SHLD2: variants seen among roughly 807,000 people sequenced by gnomAD.
The protein encoded by SHLD2 is RINN1-REV7-interacting novel NHEJ regulator 2.
A neutral mutation model predicts 73.2 loss-of-function variants in SHLD2; 30 were observed. The observed-to-expected ratio is 0.41, with a 90% CI of 0.31 to 0.56. The LOEUF is 0.56. Ranked by LOEUF, SHLD2 falls within the 20% of genes least tolerant of loss-of-function variation. The pLI, the probability that SHLD2 is intolerant of heterozygous loss-of-function variation, is 0.28. For synonymous variants in SHLD2, 285 were observed against 370.1 expected, an observed-to-expected ratio of 0.77 and a Z score of 2.64; for missense variants, 745 against 1,055.9, an observed-to-expected ratio of 0.71 and a Z score of 4.08.
chr10:87,184,996 T>C (rs533651163), intron 8 of SHLD2, among the ~76,000 whole-genome samples: 12 of 152,338 alleles, frequency 7.9e-5, no homozygotes, highest in African/African-American at 2.6e-4. Flanking sequence ...CCCAGGGCTG[T>C]GTAGCTATCA....
At chr10:87,094,503 C>T, upstream of SHLD2, 2 of 1,613,478 alleles carry the variant, frequency 1.2e-6, no homozygotes, top group Non-Finnish European at 1.7e-6. This position sits in a 1 kb window ranked among gnomAD's most constrained non-coding sequence, Gnocchi z 6.6. Context: ...CCCGGGTCCT[C>T]AGGTCCTCCA....
chr10:87,149,970 G>A (rs557840455), intron 2 of SHLD2, among the ~76,000 whole-genome samples: 2 of 151,748 alleles, frequency 1.3e-5, no homozygotes, highest in East Asian at 1.9e-4. Flanking sequence ...AGCTGGCCTC[G>A]AACTCCTGGT....
intron 2 of SHLD2, among the ~76,000 whole-genome samples, chr10:87,139,994 A>G (rs1295011444): frequency 6.6e-6 from 1 of 152,214 alleles, no homozygotes; most frequent in Non-Finnish European, 1.5e-5. Flanking sequence ...TTGAAGCACA[A>G]AGAGAAAAAA....
rs1351138048 is a variant in SHLD2 at position 87,176,887 on chromosome 10, A to G, written c.2170+792A>G. ...CTTATTCCTAGTTCTACACTGAAACATTTACTAATACCAGCAGATAGTTTA... is the reference window on the plus strand; with the variant it reads ...CTTATTCCTAGTTCTACACTGAAACGTTTACTAATACCAGCAGATAGTTTA... On this transcript the variant is annotated intron_variant, in intron 7 of 9. Coordinates refer to ENST00000298786, the MANE Select transcript of SHLD2 (RefSeq NM_001330112.2). Among the ~76,000 whole-genome samples the G allele has an allele frequency of 2.6e-5, 4 of 152,234 alleles. No homozygotes were observed. The South Asian group carries it at 6.2e-4, about 24-fold the overall frequency.
chr10:87,148,971 G>A (rs1461699175), intron 2 of SHLD2, among the ~76,000 whole-genome samples: 1 of 148,616 alleles, frequency 6.7e-6, no homozygotes, highest in Non-Finnish European at 1.5e-5. Context: ...TTGGCTCACT[G>A]CAACCTCCCG....
chr10:87,126,601 T>C (rs1205086597), intron 2 of SHLD2, among the ~76,000 whole-genome samples: 1 of 152,204 alleles, frequency 6.6e-6, no homozygotes, highest in Non-Finnish European at 1.5e-5. Context: ...GTCAGGGACA[T>C]TATGGAGGTC....
At chr10:87,148,991 G>A (rs1845829589) in intron 2 of SHLD2, among the ~76,000 whole-genome samples, 1 of 150,934 alleles carries the variant, frequency 6.6e-6, no homozygotes, top group Non-Finnish European at 1.5e-5. Flanking sequence ...GGGTTCAAGC[G>A]ATTCTCCTGC....
intron 2 of SHLD2, among the ~76,000 whole-genome samples, chr10:87,113,461 C>T (rs957467214): frequency 9.2e-5 from 14 of 152,118 alleles, no homozygotes; most frequent in African/African-American, 2.9e-4. Flanking sequence ...AAAGAAGCCA[C>T]GAAAGATCAC....
chr10:87,144,355 G>T (rs1349244751), intron 2 of SHLD2, among the ~76,000 whole-genome samples: 1 of 152,200 alleles, frequency 6.6e-6, no homozygotes, highest in Non-Finnish European at 1.5e-5. Context: ...ATGAGAATGT[G>T]ATTACAGATG....
chr10:87,115,752 C>G (rs566500893), intron 2 of SHLD2, among the ~76,000 whole-genome samples: 7 of 152,186 alleles, frequency 4.6e-5, no homozygotes, highest in East Asian at 1.9e-4. Flanking sequence ...ATAAAAATTT[C>G]GTCAACATCA....
At chr10:87,181,987 C>CG (rs1288443171) in intron 8 of SHLD2, among the ~76,000 whole-genome samples, 1 of 151,844 alleles carries the variant, frequency 6.6e-6, no homozygotes, top group Non-Finnish European at 1.5e-5. Context: ...AGGCTGGTCT[C>CG]GAACTCCTGA....
At chr10:87,117,531 C>T (rs555817526) in intron 2 of SHLD2, among the ~76,000 whole-genome samples, 12 of 150,506 alleles carry the variant, frequency 8.0e-5, no homozygotes, top group Admixed American at 5.3e-4. Context: ...TGGTGGCTCA[C>T]GCCTATAATC....
chr10:87,132,170 C>G (rs1382832468), intron 2 of SHLD2, among the ~76,000 whole-genome samples: 4 of 151,992 alleles, frequency 2.6e-5, no homozygotes, highest in South Asian at 2.1e-4. Flanking sequence ...ATGTTTTTTA[C>G]TTTTTTATTT....
intron 4 of SHLD2, among the ~76,000 whole-genome samples, chr10:87,169,594 G>A (rs1402852957): frequency 6.6e-6 from 1 of 152,034 alleles, no homozygotes; most frequent in African/African-American, 2.4e-5. Context: ...TTTCTAAAAA[G>A]TACTTAAGTG....
intron 2 of SHLD2, among the ~76,000 whole-genome samples, chr10:87,118,724 GT>G (rs933398491): frequency 6.8e-6 from 1 of 148,076 alleles, no homozygotes; most frequent in Non-Finnish European, 1.5e-5. Flanking sequence ...ACCTCAACCA[GT>G]TTATTGTAAA....
chr10:87,153,083 A>G (rs571571257), intron 3 of SHLD2, among the ~76,000 whole-genome samples: 3 of 151,970 alleles, frequency 2.0e-5, no homozygotes, highest in Admixed American at 2.0e-4. Flanking sequence ...CCTCTGTTCT[A>G]TCCTTCTCAG....
At chr10:87,176,791 A>G (rs1178483275) in intron 7 of SHLD2, among the ~76,000 whole-genome samples, 1 of 152,246 alleles carries the variant, frequency 6.6e-6, no homozygotes, top group African/African-American at 2.4e-5. Flanking sequence ...CAGGCAGAAA[A>G]CAAAGACAAT....
chr10:87,180,236 G>T lies in SHLD2; in HGVS notation c.2332G>T (p.Asp778Tyr), dbSNP rs1310734785. The T allele has an allele frequency of 6.2e-7, 1 of 1,612,804 alleles. No individual in the cohort carries two copies. The highest frequency in any genetic ancestry group is 1.1e-5 in the South Asian group (1 of 91,022). Residue 778 changes from aspartate (D) to tyrosine (Y), a missense_variant, in exon 8 of 10, where the codon GAT (aspartate) becomes TAT (tyrosine). Coordinates refer to ENST00000298786, the MANE Select transcript of SHLD2 (RefSeq NM_001330112.2). ...CAKCGLELET[D>Y]ENRIYKQCFS... is the part of the protein sequence containing the mutation. Reference sequence around the variant, plus strand: ...AAAATGTGGATTGGAACTAGAAACAGATGAGAACAGGATCTACAAACAATG... The same window carrying T: ...AAAATGTGGATTGGAACTAGAAACATATGAGAACAGGATCTACAAACAATG...
chr10:87,113,546 C>A (rs556914813), intron 2 of SHLD2, among the ~76,000 whole-genome samples: 1 of 152,146 alleles, frequency 6.6e-6, no homozygotes, highest in East Asian at 1.9e-4. Flanking sequence ...TAAATGGTTT[C>A]TAGGAGATGG....
Sources: allele counts gnomAD v4.1 joint callset (sites outside exome capture counted in the v4.1 genomes callset), GRCh38; gene constraint gnomAD v4.1.1; non-coding constraint Gnocchi (gnomAD v3.1); transcripts MANE v1.5; gene names NCBI Gene and HGNC (gene_info 2026-07-23, HGNC 2026-07-21).